The following EPS15 variants were observed in gnomAD, a reference collection of about 807,000 sequenced individuals.
EPS15 encodes epidermal growth factor receptor substrate 15.
A neutral mutation model predicts 113.8 loss-of-function variants in EPS15; 72 were observed. The observed-to-expected ratio is 0.63, with a 90% confidence interval of 0.52 to 0.77. The LOEUF is 0.77. Among genes scored for constraint, EPS15 ranks in the 30% least tolerant of loss-of-function variants. EPS15 has a pLI of 0.00. For missense variants in EPS15, 1,048 were observed against 1,045.8 expected (o/e 1.00, Z -0.03); for synonymous variants, 344 against 363.4 (o/e 0.95, Z 0.61).
In EPS15 at chr1:51,425,775, T is replaced by G. The variant is rs533407143; in HGVS notation, c.1041-3917A>C. Among the ~76,000 whole-genome samples, 405 of 152,300 alleles carry G rather than the reference T, an allele frequency of 2.7e-3. 2 individuals carry two copies. The highest frequency in any genetic ancestry group is 4.3e-3 in the Non-Finnish European group (295 of 68,016). The stretch of plus-strand genomic sequence containing the variant: ...TTTTTCATATGTGGATGTTAATATC[T>G]CTATCATCTTAGGATTTGCAAGGCA... On this transcript the variant is annotated intron_variant, in intron 12 of 24. Transcript: ENST00000371733.
intron 8 of EPS15, among the ~76,000 whole-genome samples, chr1:51,460,567 C>T (rs1654363702): frequency 6.6e-6 from 1 of 152,020 alleles, no homozygotes; most frequent in Non-Finnish European, 1.5e-5. Context: ...AGTATACGTT[C>T]CTATGTACCT....
At chr1:51,493,774 G>A (rs1246777240) in intron 1 of EPS15, among the ~76,000 whole-genome samples, 2 of 151,296 alleles carry the variant, frequency 1.3e-5, no homozygotes, top group African/African-American at 2.4e-5. Context: ...GTCACGCCTG[G>A]CTAATTTTTG....
intron 6 of EPS15, among the ~76,000 whole-genome samples, chr1:51,464,968 A>G (rs1430927085): frequency 6.6e-6 from 1 of 152,258 alleles, no homozygotes; most frequent in Non-Finnish European, 1.5e-5. Context: ...ATTTTCAAGT[A>G]AGAGATAACA....
intron 1 of EPS15, among the ~76,000 whole-genome samples, chr1:51,504,379 C>T (rs1049248091): frequency 1.3e-5 from 2 of 152,162 alleles, no homozygotes; most frequent in African/African-American, 4.8e-5. Flanking sequence ...CACTGCACTC[C>T]AGCCTGGGCA....
At position 51,457,183 on chromosome 1, in the gene EPS15, A is replaced by T. The variant is rs868055516; in HGVS notation, c.561+3908T>A. ...GCGCCTGTAGTCCCAGCTACTCAGG[A>T]GGCTGAGGCAGGAGAATGGCGTGAA... is the stretch of plus-strand genomic sequence containing the variant. On this transcript the variant is annotated intron_variant, in intron 8 of 24. Coordinates refer to ENST00000371733, the MANE Select transcript of EPS15 (RefSeq NM_001981.3). 1.4e-4 allele frequency among the ~76,000 whole-genome samples: 22 copies of T among 152,262 alleles called. No individual in the cohort carries two copies. The Middle Eastern group carries it at 0.014, about 94-fold the overall frequency.
Position 51,384,267 on chromosome 1 carries a change from G to T in EPS15, c.2119+10114C>A, listed in dbSNP as rs1282023991. On this transcript the variant is annotated intron_variant, in intron 21 of 24. Transcript: ENST00000371733. ...TATGGAATCTCAAGGAACCTGAATAGCCAAAGCAGTCTTTTTCTTTTTCTT... is the reference window on the plus strand; with the variant it reads ...TATGGAATCTCAAGGAACCTGAATATCCAAAGCAGTCTTTTTCTTTTTCTT... 2.7e-5 allele frequency among the ~76,000 whole-genome samples: 4 copies of T among 149,332 alleles called. No individual in the cohort carries two copies. In the East Asian group the frequency reaches 7.9e-4, roughly 29 times the overall value.
At chr1:51,367,451 G>T (rs141448029) in intron 21 of EPS15, among the ~76,000 whole-genome samples, 8 of 152,298 alleles carry the variant, frequency 5.3e-5, no homozygotes, top group African/African-American at 1.4e-4. Context: ...TGCTTGGGAA[G>T]CTGAGGCAGG....
chr1:51,409,846 C>T, intron 13 of EPS15, 150 bp from the exon 14 acceptor site: 1 of 560,554 alleles, frequency 1.8e-6, no homozygotes, highest in Admixed American at 3.5e-5. Context: ...TAAATACAAT[C>T]TTTACTTGAA....
chr1:51,487,036 C>G (rs925495467), intron 1 of EPS15, among the ~76,000 whole-genome samples: 2 of 152,026 alleles, frequency 1.3e-5, no homozygotes, highest in African/African-American at 4.8e-5. Context: ...TTTTCCTGAG[C>G]TAACTGGGGA....
In EPS15 at chr1:51,356,500, G is replaced by A. The variant is rs1219480337; in HGVS notation, c.*200C>T. The A allele has an allele frequency of 2.1e-6, 1 of 477,898 alleles. No homozygotes were observed. The highest frequency in any genetic ancestry group is 3.6e-6 in the Non-Finnish European group (1 of 275,820). The allele number at this position is 477,898 out of a possible 1,614,324, so 29.6% of individuals were successfully genotyped here. Reference sequence around the variant, plus strand: ...AGTGAAGGTGAATTTGTCTGACTGGGTTACGGCTTTTATAAGAAAAAAAAA... The same window carrying A: ...AGTGAAGGTGAATTTGTCTGACTGGATTACGGCTTTTATAAGAAAAAAAAA... On this transcript the variant is annotated 3_prime_UTR_variant, in exon 25 of 25. Coordinates refer to ENST00000371733, the MANE Select transcript of EPS15 (RefSeq NM_001981.3).
chr1:51,416,622 C>T (rs1029890482), intron 13 of EPS15, among the ~76,000 whole-genome samples: 3 of 152,022 alleles, frequency 2.0e-5, no homozygotes, highest in African/African-American at 7.2e-5. Flanking sequence ...CCATGAAGTG[C>T]TATGGGGTAG....
chr1:51,466,996 G>A (rs1654886453), intron 5 of EPS15, among the ~76,000 whole-genome samples: 2 of 152,012 alleles, frequency 1.3e-5, no homozygotes, highest in Non-Finnish European at 2.9e-5. Context: ...AAGAAAAATG[G>A]GCAAAAGCTA....
chr1:51,404,558 ATTC>A (rs1648913906), intron 16 of EPS15, among the ~76,000 whole-genome samples: 2 of 152,110 alleles, frequency 1.3e-5, no homozygotes, highest in Non-Finnish European at 2.9e-5. Flanking sequence ...TCAAACTTCT[ATTC>A]TTCTCATTAT....
intron 22 of EPS15, 84 bp from the exon 23 acceptor site, chr1:51,364,112 A>T: frequency 1.9e-6 from 2 of 1,044,390 alleles, no homozygotes; most frequent in Non-Finnish European, 1.3e-6. Context: ...TGATTTCAGT[A>T]TTATACAGTT....
intron 24 of EPS15, among the ~76,000 whole-genome samples, chr1:51,357,426 A>ATATATTTTT (rs1443627608): frequency 9.3e-5 from 5 of 53,538 alleles, no homozygotes; most frequent in African/African-American, 4.8e-4. Context: ...ATATATATAT[A>ATATATTTTT]TTTTTTTTTT....
At chr1:51,464,311 CT>C (rs1386546726) in intron 6 of EPS15, among the ~76,000 whole-genome samples, 1 of 151,076 alleles carries the variant, frequency 6.6e-6, no homozygotes, top group East Asian at 1.9e-4. Context: ...ACAATCTCAG[CT>C]CACTGTAGCC....
At position 51,463,602 on chromosome 1, in the gene EPS15, C is replaced by T. The variant is rs1163103020; in HGVS notation, c.501+71G>A. On this transcript the variant is annotated intron_variant, in intron 7 of 24. Coordinates refer to ENST00000371733, the MANE Select transcript of EPS15 (RefSeq NM_001981.3). The stretch of plus-strand genomic sequence containing the variant: ...TGTATATTTTTAACAAAGAGTTATA[C>T]ATGCTCCTGGCATAATAGATATAAA... 9 of 805,804 alleles carry T rather than the reference C, an allele frequency of 1.1e-5. No homozygotes were observed. The East Asian group carries it at 2.3e-4, about 20-fold the overall frequency. The allele number at this position is 805,804 out of a possible 1,614,324, so 49.9% of individuals were successfully genotyped here.
At chr1:51,408,400 A>C in intron 14 of EPS15, 68 bp from the exon 15 acceptor site, 1 of 1,122,564 alleles carries the variant, frequency 8.9e-7, no homozygotes, top group Non-Finnish European at 1.3e-6. Flanking sequence ...ATGTTCCAAA[A>C]TGCAATACAT....
Position 51,405,979 on chromosome 1 carries a change from C to G in EPS15, c.1603G>C (p.Glu535Gln), listed in dbSNP as rs1302310267. The change falls in exon 16 of 25, where the codon GAA (glutamate) becomes CAA (glutamine). Residue 535 changes from glutamate to glutamine, a missense_variant. Coordinates refer to ENST00000371733, the MANE Select transcript of EPS15 (RefSeq NM_001981.3). ...DYCSLSTSSS[E>Q]TANLNEHVEG... ...ACATGTTCATTAAGGTTGGCTGTTT[C>G]ACTGCTGCTGGTGCTGAGGCTGCAA... The G allele has an allele frequency of 1.8e-5, 29 of 1,614,066 alleles. No individual in the cohort carries two copies. The highest frequency in any genetic ancestry group is 2.5e-5 in the Non-Finnish European group (29 of 1,180,034).
Sources: gnomAD v4.1 joint callset for allele counts (sites outside exome capture counted in the v4.1 genomes callset) on GRCh38, gnomAD v4.1.1 for gene constraint, MANE v1.5 for transcripts, NCBI Gene and HGNC (gene_info 2026-07-23, HGNC 2026-07-21) for gene names.